The following RNLS variants were observed in gnomAD, a reference collection of about 807,000 sequenced individuals.
RNLS encodes renalase, FAD dependent amine oxidase.
A neutral mutation model predicts 39.8 loss-of-function variants in RNLS; 39 were observed. That is an observed-to-expected ratio of 0.98 (90% CI 0.76 to 1.28). RNLS has a LOEUF of 1.28. Among genes scored for constraint, RNLS ranks in the 50% most tolerant of loss-of-function variants. The probability of loss-of-function intolerance (pLI) is 0.00; values close to 1 mark genes in which losing one functional copy is unlikely to be tolerated. For synonymous variants in RNLS, 147 were observed against 150.7 expected, an observed-to-expected ratio of 0.98 and a Z score of 0.18; for missense variants, 410 against 413.3, an observed-to-expected ratio of 0.99 and a Z score of 0.07.
At chr10:88,415,520 A>C (rs942473812) in intron 4 of RNLS, among the ~76,000 whole-genome samples, 1 of 152,170 alleles carries the variant, frequency 6.6e-6, no homozygotes, top group African/African-American at 2.4e-5. Flanking sequence ...GAATATAGTG[A>C]CACTGGTTTG....
At chr10:88,394,225 A>C (rs1344392397) in intron 4 of RNLS, among the ~76,000 whole-genome samples, 1 of 152,134 alleles carries the variant, frequency 6.6e-6, no homozygotes, top group East Asian at 1.9e-4. Flanking sequence ...CTTCTGCACA[A>C]CAAAAGAAAC....
At chr10:88,568,228 G>A (rs2099727725) in intron 4 of RNLS, among the ~76,000 whole-genome samples, 2 of 152,094 alleles carry the variant, frequency 1.3e-5, no homozygotes, top group Non-Finnish European at 2.9e-5. Flanking sequence ...GCTCCATCAT[G>A]ACCTTTTATC....
chr10:88,488,001 T>C (rs1168445910), intron 4 of RNLS, among the ~76,000 whole-genome samples: 1 of 152,120 alleles, frequency 6.6e-6, no homozygotes, highest in Non-Finnish European at 1.5e-5. Flanking sequence ...TCCATTTATA[T>C]AAAATTCTAG....
intron 5 of RNLS, chr10:88,343,532 CA>C (rs1848109885): frequency 3.1e-6 from 3 of 983,460 alleles, no homozygotes; most frequent in Non-Finnish European, 3.6e-6. Context: ...CCAAAAACAA[CA>C]AAAAAGGAGT....
chr10:88,171,775 C>G, the RNLS span, among the ~76,000 whole-genome samples: 1 of 152,162 alleles, frequency 6.6e-6, no homozygotes, highest in African/African-American at 2.4e-5. Context: ...CTATAGAACA[C>G]TGGAACTCAT....
chr10:88,541,987 G>C lies in RNLS; in HGVS notation c.526+30916C>G, dbSNP rs113323121. 2.0e-5 allele frequency among the ~76,000 whole-genome samples: 3 copies of C among 152,232 alleles called. No individual in the cohort carries two copies. The South Asian group carries it at 6.2e-4, about 32-fold the overall frequency. ...GCCAAGGACATGATGAGGTATTTCT[G>C]GGGGAGAAGGAGAGAGATAAAAGAC... is the stretch of plus-strand genomic sequence containing the variant. On this transcript the variant is annotated intron_variant, in intron 4 of 6. Transcript: ENST00000331772.
chr10:88,532,608 A>G (rs1847494274), intron 4 of RNLS, among the ~76,000 whole-genome samples: 1 of 152,050 alleles, frequency 6.6e-6, no homozygotes, highest in Non-Finnish European at 1.5e-5. Context: ...TTGCCTCAAG[A>G]AACTTAACAC....
intron 4 of RNLS, among the ~76,000 whole-genome samples, chr10:88,448,092 G>A (rs969446206): frequency 2.0e-5 from 3 of 152,116 alleles, no homozygotes; most frequent in Non-Finnish European, 2.9e-5. Context: ...GAGGACATAG[G>A]CATGGGCAAG....
chr10:88,540,726 C>T (rs1448612027), intron 4 of RNLS, among the ~76,000 whole-genome samples: 2 of 152,088 alleles, frequency 1.3e-5, no homozygotes, highest in African/African-American at 4.8e-5. Context: ...CAGAGAAACT[C>T]TCTCAAGGAC....
the RNLS span, among the ~76,000 whole-genome samples, chr10:88,200,594 T>G: frequency 6.6e-6 from 1 of 152,232 alleles, no homozygotes; most frequent in Admixed American, 6.5e-5. Flanking sequence ...ATCGTGCCAT[T>G]CCATTTATTC....
At chr10:88,294,259 G>A (rs1320344110) in intron 6 of RNLS, among the ~76,000 whole-genome samples, 1 of 152,138 alleles carries the variant, frequency 6.6e-6, no homozygotes, top group East Asian at 1.9e-4. Context: ...AAATGAAGGA[G>A]AGACCAGAAC....
the RNLS span, among the ~76,000 whole-genome samples, chr10:88,183,949 G>A: frequency 1.3e-5 from 2 of 152,218 alleles, no homozygotes; most frequent in African/African-American, 4.8e-5. Flanking sequence ...GCTGAGAATG[G>A]TGCACCATTT....
At chr10:88,457,554 G>A (rs78308422) in intron 4 of RNLS, among the ~76,000 whole-genome samples, 2,030 of 152,264 alleles carry the variant, frequency 0.013, 25 homozygotes, top group Non-Finnish European at 0.016. Context: ...ATGCAATGAC[G>A]TTGAAACCAA....
chr10:88,548,096 T>C (rs561816967), intron 4 of RNLS, among the ~76,000 whole-genome samples: 14 of 149,352 alleles, frequency 9.4e-5, no homozygotes, highest in Non-Finnish European at 1.8e-4. Flanking sequence ...ACCCCATCTC[T>C]ACTAAAATAC....
intron 5 of RNLS, among the ~76,000 whole-genome samples, chr10:88,334,255 T>G (rs1301337875): frequency 2.6e-5 from 4 of 152,234 alleles, no homozygotes; most frequent in Admixed American, 1.3e-4. Flanking sequence ...AATCTGTTAG[T>G]TTAAAACATA....
intron 4 of RNLS, among the ~76,000 whole-genome samples, chr10:88,421,693 T>A (rs993835880): frequency 6.6e-6 from 1 of 152,182 alleles, no homozygotes; most frequent in Admixed American, 6.5e-5. Flanking sequence ...AAACCTCCGA[T>A]GGCTGTCTTA....
At chr10:88,455,459 T>A (rs1198757462) in intron 4 of RNLS, among the ~76,000 whole-genome samples, 1 of 152,102 alleles carries the variant, frequency 6.6e-6, no homozygotes, top group Non-Finnish European at 1.5e-5. Flanking sequence ...CAGGCTGGAG[T>A]GCAGTGGTGC....
intron 3 of RNLS, among the ~76,000 whole-genome samples, chr10:88,575,272 G>C (rs1419203175): frequency 6.8e-6 from 1 of 146,638 alleles, no homozygotes; most frequent in East Asian, 2.0e-4. Context: ...GTATATGTGT[G>C]TGTGTGTGTG....
chr10:88,500,570 A>G (rs559136175), intron 4 of RNLS, among the ~76,000 whole-genome samples: 1 of 152,164 alleles, frequency 6.6e-6, no homozygotes, highest in Non-Finnish European at 1.5e-5. Context: ...GCAATTTTTT[A>G]AAACTGCAGA....
Sources: allele counts gnomAD v4.1 joint callset (sites outside exome capture counted in the v4.1 genomes callset), GRCh38; gene constraint gnomAD v4.1.1; transcripts MANE v1.5; gene names NCBI Gene and HGNC (gene_info 2026-07-23, HGNC 2026-07-21).